ARHGAP6: variants seen among roughly 807,000 people sequenced by gnomAD.
ARHGAP6 encodes rho GTPase-activating protein 6.
ARHGAP6 carries 16 observed loss-of-function variants against 55.7 expected under a neutral mutation model. The ratio of observed to expected loss-of-function variants is 0.29; its 90% CI spans 0.19 to 0.44. ARHGAP6 has a LOEUF of 0.44. Ranked by LOEUF, ARHGAP6 falls within the 20% of genes least tolerant of loss-of-function variation. The pLI is 1.00. For missense variants in ARHGAP6, 698 were observed against 808.9 expected (o/e 0.86, Z 1.66); for synonymous variants, 382 against 360.9 (o/e 1.06, Z -0.66).
chrX:11,534,477 C>G (rs781616709), intron 1 of ARHGAP6, among the ~76,000 whole-genome samples: 1 of 110,604 alleles, frequency 9.0e-6, no homozygotes. Flanking sequence ...AATGTTTGAC[C>G]ACATCCCTGG....
intron 1 of ARHGAP6, among the ~76,000 whole-genome samples, chrX:11,616,599 A>G (rs963871499): frequency 3.6e-5 from 4 of 111,816 alleles, no homozygotes; most frequent in Non-Finnish European, 7.5e-5. Context: ...AAGTGCTAGG[A>G]TTACAGGTGT....
Position 11,178,224 on chromosome X carries a change from C to T in ARHGAP6, c.1505G>A (p.Gly502Asp). ...TLLLEPEEQL[G>D]TLQLLIYLLP... ...AAGGTATATGAGGAGCTGCAAGGTGCCCAGCTGTTCCTCCGGCTCCAACAC... is the reference window on the plus strand; with the variant it reads ...AAGGTATATGAGGAGCTGCAAGGTGTCCAGCTGTTCCTCCGGCTCCAACAC... Residue 502 changes from glycine (G) to aspartate (D), a missense_variant, in exon 8 of 13, where the codon GGC (glycine) becomes GAC (aspartate). Physicochemically the swap from Gly to Asp is moderately conservative, Grantham distance 94. Transcript: ENST00000337414. The T allele has an allele frequency of 8.3e-7, 1 of 1,208,250 alleles. No individual in the cohort carries two copies. Among genetic ancestry groups the T allele is most frequent in the Non-Finnish European group, 1.1e-6 (1 of 893,892 alleles).
chrX:11,326,555 T>C (rs749121276), intron 1 of ARHGAP6, among the ~76,000 whole-genome samples: 99 of 111,781 alleles, frequency 8.9e-4, no homozygotes, highest in Non-Finnish European at 1.8e-3. Flanking sequence ...TGACTCAAAG[T>C]AATGCCTTCA....
chrX:11,165,021 C>T (rs1772304200), intron 9 of ARHGAP6, among the ~76,000 whole-genome samples: 1 of 112,211 alleles, frequency 8.9e-6, no homozygotes, highest in Non-Finnish European at 1.9e-5. Flanking sequence ...ATTTCCAGTG[C>T]TCCCACAGAG....
chrX:11,304,385 C>T (rs781066697), intron 1 of ARHGAP6, among the ~76,000 whole-genome samples: 29 of 111,423 alleles, frequency 2.6e-4, no homozygotes, highest in African/African-American at 8.5e-4. Context: ...CCACCATGCC[C>T]GGCCCATGTC....
At chrX:11,617,029 T>C (rs2052174221) in intron 1 of ARHGAP6, among the ~76,000 whole-genome samples, 2 of 112,148 alleles carry the variant, frequency 1.8e-5, no homozygotes, top group South Asian at 7.5e-4. Flanking sequence ...GAGTTGTGCT[T>C]TCCAAAGTTA....
intron 1 of ARHGAP6, among the ~76,000 whole-genome samples, chrX:11,532,361 A>C (rs1304232979): frequency 8.9e-6 from 1 of 112,689 alleles, no homozygotes; most frequent in Non-Finnish European, 1.9e-5. Context: ...TTATTTTTAA[A>C]GTAACAGGGT....
intron 1 of ARHGAP6, among the ~76,000 whole-genome samples, chrX:11,612,713 T>G (rs1043269370): frequency 2.7e-5 from 3 of 112,545 alleles, no homozygotes; most frequent in Non-Finnish European, 5.6e-5. Flanking sequence ...TATGGCAGCC[T>G]GAACTAAGAT....
chrX:11,139,277 C>T lies in ARHGAP6; in HGVS notation c.2511G>A (p.Ser837=), dbSNP rs780822288. 10 of 1,191,153 alleles carry T rather than the reference C, an allele frequency of 8.4e-6. No homozygotes were observed. The African/African-American group carries it at 1.2e-4, about 15-fold the overall frequency. The change falls in exon 13 of 13, where the codon TCG becomes TCA. Residue 837 remains serine, a synonymous_variant. Coordinates refer to ENST00000337414, the MANE Select transcript of ARHGAP6 (RefSeq NM_013427.3). Reference sequence around the variant, plus strand: ...CGCCGCTCAGGGTCAAGTACTGCTCCGACCTGGCCGTGGGCCGCTCGGCTT... The same window carrying T: ...CGCCGCTCAGGGTCAAGTACTGCTCTGACCTGGCCGTGGGCCGCTCGGCTT... ...AGKAERPTAR[S]EQYLTLSGAH... is the part of the protein sequence containing the mutation.
At chrX:11,461,897 A>T (rs1469984876) in intron 1 of ARHGAP6, among the ~76,000 whole-genome samples, 2 of 111,578 alleles carry the variant, frequency 1.8e-5, no homozygotes. Context: ...CTGACCAGAG[A>T]CTGGCCAGAA....
intron 1 of ARHGAP6, among the ~76,000 whole-genome samples, chrX:11,555,071 G>A (rs770837149): frequency 2.7e-5 from 3 of 112,098 alleles, no homozygotes; most frequent in African/African-American, 9.7e-5. Flanking sequence ...CCAAGAGGGT[G>A]ATAAGAAAGA....
In ARHGAP6 at chrX:11,150,580, G is replaced by GA. The variant is rs770785290; in HGVS notation, c.1907+5948dup. On this transcript the variant is annotated intron_variant, in intron 10 of 12. Transcript: ENST00000337414. ...ATTTTATTTCAGGTTAATTTAGTTA[G>GA]AACTTATTTAAGATTGTCACTTGGT... 1.7e-3 allele frequency among the ~76,000 whole-genome samples: 190 copies of GA among 112,232 alleles called. 1 individual carries two copies. The highest frequency in any genetic ancestry group is 6.0e-3 in the African/African-American group (187 of 30,983).
intron 1 of ARHGAP6, among the ~76,000 whole-genome samples, chrX:11,574,882 A>G (rs965980259): frequency 9.0e-6 from 1 of 111,717 alleles, no homozygotes; most frequent in African/African-American, 3.3e-5. Context: ...GCAAAGTCTC[A>G]GGGTAATGAG....
chrX:11,347,826 A>G (rs2048807898), intron 1 of ARHGAP6, among the ~76,000 whole-genome samples: 1 of 111,663 alleles, frequency 9.0e-6, no homozygotes, highest in Non-Finnish European at 1.9e-5. Flanking sequence ...TAATAGAAAC[A>G]TAAGTCCAGC....
At chrX:11,294,836 C>T in intron 1 of ARHGAP6, 2 of 1,211,390 alleles carry the variant, frequency 1.7e-6, no homozygotes, top group Non-Finnish European at 2.2e-6. Context: ...CAGCTTTTGC[C>T]ATGCCTGTGA....
At chrX:11,253,124 T>C (rs769885648) in intron 2 of ARHGAP6, among the ~76,000 whole-genome samples, 3 of 110,955 alleles carry the variant, frequency 2.7e-5, no homozygotes, top group Non-Finnish European at 3.8e-5. Flanking sequence ...TGCAGGGGGC[T>C]GTCCTATTTA....
intron 1 of ARHGAP6, among the ~76,000 whole-genome samples, chrX:11,295,263 C>T (rs763211971): frequency 9.0e-6 from 1 of 111,351 alleles, no homozygotes; most frequent in African/African-American, 3.3e-5. Context: ...GATTCCAAAT[C>T]TCTTCCTGCC....
At chrX:11,539,941 G>GAAACA (rs1169394721) in intron 1 of ARHGAP6, among the ~76,000 whole-genome samples, 15 of 111,148 alleles carry the variant, frequency 1.3e-4, no homozygotes, top group African/African-American at 2.6e-4. Context: ...GACAAAAAGT[G>GAAACA]AAACAAAACA....
intron 1 of ARHGAP6, among the ~76,000 whole-genome samples, chrX:11,496,227 T>C (rs1386634606): frequency 8.9e-6 from 1 of 112,703 alleles, no homozygotes; most frequent in Non-Finnish European, 1.9e-5. Flanking sequence ...TAATATCTAA[T>C]GCCATGCTTA....
Sources: gnomAD v4.1 joint callset for allele counts (sites outside exome capture counted in the v4.1 genomes callset) on GRCh38, gnomAD v4.1.1 for gene constraint, MANE v1.5 for transcripts, NCBI Gene and HGNC (gene_info 2026-07-23, HGNC 2026-07-21) for gene names.